The following SATB2 variants were observed in gnomAD, a reference collection of about 807,000 sequenced individuals.
The protein encoded by SATB2 is DNA-binding protein SATB2.
In SATB2, 1 loss-of-function variant was observed where a neutral mutation model predicts 73.4. The ratio of observed to expected loss-of-function variants is 0.01; its 90% CI spans 0.00 to 0.06. The LOEUF is 0.06. Ranked by LOEUF, SATB2 falls within the 10% of genes least tolerant of loss-of-function variation. The pLI is 1.00. For missense variants in SATB2, 459 were observed against 945.8 expected, an observed-to-expected ratio of 0.49 and a Z score of 6.75; for synonymous variants, 397 against 367.0, an observed-to-expected ratio of 1.08 and a Z score of -0.93.
intron 2 of SATB2, among the ~76,000 whole-genome samples, chr2:199,440,014 G>C (rs1417271875): frequency 6.6e-6 from 1 of 152,116 alleles, no homozygotes; most frequent in East Asian, 1.9e-4. Context: ...CTGAGGGCAG[G>C]AGAATGGCTT....
chr2:199,282,237 T>C (rs1217555754), intron 10 of SATB2, among the ~76,000 whole-genome samples: 2 of 152,166 alleles, frequency 1.3e-5, no homozygotes, highest in Non-Finnish European at 2.9e-5. Context: ...GCAAAACTAG[T>C]TATTACTTTT....
chr2:199,431,987 C>G (rs16831496), intron 3 of SATB2, among the ~76,000 whole-genome samples: 11,050 of 152,134 alleles, frequency 0.073, 475 homozygotes, highest in Middle Eastern at 0.19. Context: ...AGCAATGGTG[C>G]CCAGTATGCA....
intron 3 of SATB2, among the ~76,000 whole-genome samples, chr2:199,428,225 G>A (rs1691393338): frequency 6.6e-6 from 1 of 152,182 alleles, no homozygotes; most frequent in African/African-American, 2.4e-5. Context: ...TTTAGTTTTA[G>A]AAGTTGGCTT....
chr2:199,429,288 A>T (rs1691429802), intron 3 of SATB2, among the ~76,000 whole-genome samples: 1 of 152,152 alleles, frequency 6.6e-6, no homozygotes, highest in Non-Finnish European at 1.5e-5. Flanking sequence ...TTTTTTTATT[A>T]GAAAAAGAAG....
chr2:199,293,572 T>C (rs907074788), intron 10 of SATB2, among the ~76,000 whole-genome samples: 2 of 152,096 alleles, frequency 1.3e-5, no homozygotes, highest in Non-Finnish European at 2.9e-5. Context: ...CTATAAAAGA[T>C]TGAAAAGCTG....
intron 8 of SATB2, chr2:199,325,305 T>C (rs1664487408): frequency 6.6e-6 from 1 of 152,174 alleles, no homozygotes; most frequent in Non-Finnish European, 1.5e-5. Context: ...ATTATTTTCA[T>C]CTTACAGATG....
intron 5 of SATB2, among the ~76,000 whole-genome samples, chr2:199,371,448 G>A (rs1235398721): frequency 2.0e-5 from 3 of 151,882 alleles, no homozygotes; most frequent in Non-Finnish European, 4.4e-5. Flanking sequence ...CTGGGACACC[G>A]AGAATCTATA....
At chr2:199,278,403 A>G (rs1374527036) in intron 10 of SATB2, among the ~76,000 whole-genome samples, 3 of 152,222 alleles carry the variant, frequency 2.0e-5, no homozygotes, top group African/African-American at 7.2e-5. Context: ...CCACATTTTA[A>G]GTGCCCCATT....
At chr2:199,286,916 TGA>T (rs1453860968) in intron 10 of SATB2, among the ~76,000 whole-genome samples, 4 of 152,114 alleles carry the variant, frequency 2.6e-5, no homozygotes, top group Admixed American at 2.6e-4. Flanking sequence ...CCAGCATACA[TGA>T]AAGAAGATAC....
chr2:199,448,797 T>C (rs530307262), intron 2 of SATB2, among the ~76,000 whole-genome samples: 1 of 152,170 alleles, frequency 6.6e-6, no homozygotes, highest in African/African-American at 2.4e-5. Context: ...TCCCCTTAAT[T>C]TTTTGATCTT....
chr2:199,341,777 G>A (rs1688512945), intron 7 of SATB2, among the ~76,000 whole-genome samples: 2 of 152,146 alleles, frequency 1.3e-5, no homozygotes, highest in African/African-American at 4.8e-5. Context: ...TGACCAATTA[G>A]GCTGGAAATG....
chr2:199,304,216 C>A (rs1466857575), intron 10 of SATB2, among the ~76,000 whole-genome samples: 1 of 152,138 alleles, frequency 6.6e-6, no homozygotes, highest in African/African-American at 2.4e-5. Flanking sequence ...CCTAACCTAA[C>A]CAGTGTTTTA....
intron 3 of SATB2, among the ~76,000 whole-genome samples, chr2:199,429,383 T>C (rs1691432917): frequency 6.6e-6 from 1 of 152,214 alleles, no homozygotes; most frequent in Non-Finnish European, 1.5e-5. Flanking sequence ...TATGTGGAAT[T>C]TTATATCACT....
chr2:199,403,659 TCA>T (rs1316281873), intron 3 of SATB2, among the ~76,000 whole-genome samples: 1 of 152,194 alleles, frequency 6.6e-6, no homozygotes, highest in African/African-American at 2.4e-5. Context: ...TTCAGAAATC[TCA>T]GTTTTTTAAA....
At chr2:199,471,242 A>G (rs1392292966) in exon 1 of SATB2, 2 of 152,254 alleles carry the variant, frequency 1.3e-5, no homozygotes, top group Admixed American at 1.3e-4. Context: ...ATCAGCCCTA[A>G]TCCCTTGGTA....
intron 2 of SATB2, among the ~76,000 whole-genome samples, chr2:199,453,930 GC>G (rs1460692470): frequency 6.6e-6 from 1 of 151,988 alleles, no homozygotes; most frequent in Non-Finnish European, 1.5e-5. Context: ...AATTTGGGAA[GC>G]AGCTAATAAG....
At chr2:199,311,135 T>A (rs545843358) in intron 9 of SATB2, among the ~76,000 whole-genome samples, 1 of 152,248 alleles carries the variant, frequency 6.6e-6, no homozygotes, top group South Asian at 2.1e-4. Flanking sequence ...TGTGCAGACA[T>A]AAGCAAACCA....
intron 6 of SATB2, among the ~76,000 whole-genome samples, chr2:199,365,901 A>C (rs2105846600): frequency 6.6e-6 from 1 of 152,238 alleles, no homozygotes; most frequent in East Asian, 1.9e-4. Flanking sequence ...GAGAAGAGAA[A>C]AAAATTTTGA....
chr2:199,347,240 T>C (rs143547463), intron 7 of SATB2: 13 of 152,324 alleles, frequency 8.5e-5, no homozygotes, highest in African/African-American at 3.1e-4. Flanking sequence ...GAGGTTTCAA[T>C]CCAGCATGCT....
Sources: gnomAD v4.1 joint callset for allele counts (sites outside exome capture counted in the v4.1 genomes callset) on GRCh38, gnomAD v4.1.1 for gene constraint, MANE v1.5 for transcripts, NCBI Gene and HGNC (gene_info 2026-07-23, HGNC 2026-07-21) for gene names.